Variants in VPS54 observed in about 807,000 individuals in gnomAD.
VPS54 encodes vacuolar protein sorting-associated protein 54.
A neutral mutation model predicts 121.5 loss-of-function variants in VPS54; 45 were observed. The observed-to-expected ratio is 0.37, with a 90% CI of 0.29 to 0.47. VPS54 has a LOEUF of 0.47. Among genes scored for constraint, VPS54 ranks in the 20% least tolerant of loss-of-function variants. The probability of loss-of-function intolerance (pLI) is 0.99; values close to 1 mark genes in which losing one functional copy is unlikely to be tolerated. For missense variants in VPS54, 1,090 were observed against 1,131.4 expected (o/e 0.96, Z 0.52); for synonymous variants, 371 against 385.8 (o/e 0.96, Z 0.45).
intron 6 of VPS54, 108 bp downstream of exon 6, chr2:63,965,727 A>C: frequency 1.4e-5 from 20 of 1,477,454 alleles, no homozygotes; most frequent in Non-Finnish European, 1.7e-5. Context: ...GTAAGAACAA[A>C]AATGAATTTA....
intron 3 of VPS54, among the ~76,000 whole-genome samples, chr2:63,977,164 G>C (rs1287635868): frequency 6.6e-5 from 10 of 152,044 alleles, no homozygotes; most frequent in Non-Finnish European, 1.3e-4. Context: ...ATGTTTATCA[G>C]TTTTATTGAT....
chr2:63,955,643 G>T (rs1675460694), intron 7 of VPS54, among the ~76,000 whole-genome samples: 1 of 151,776 alleles, frequency 6.6e-6, no homozygotes, highest in South Asian at 2.1e-4. Flanking sequence ...ATTTAATAAA[G>T]AACCTCAATA....
At chr2:63,967,648 G>T (rs1307590335) in intron 5 of VPS54, among the ~76,000 whole-genome samples, 1 of 144,062 alleles carries the variant, frequency 6.9e-6, no homozygotes, top group Non-Finnish European at 1.5e-5. Flanking sequence ...GAACCTGGGA[G>T]GCGGAGGTTG....
chr2:63,920,235 T>G (rs1047865415), intron 14 of VPS54, among the ~76,000 whole-genome samples: 11 of 152,138 alleles, frequency 7.2e-5, no homozygotes, highest in African/African-American at 2.7e-4. Flanking sequence ...TTACTGAGGA[T>G]CTTCCTGATA....
At chr2:63,967,152 C>T (rs928276392) in intron 5 of VPS54, among the ~76,000 whole-genome samples, 2 of 151,920 alleles carry the variant, frequency 1.3e-5, no homozygotes, top group African/African-American at 4.8e-5. Context: ...ATGGTTTAAT[C>T]AATTTATGTA....
chr2:63,911,587 G>T (rs897267406), intron 20 of VPS54, among the ~76,000 whole-genome samples: 2 of 152,132 alleles, frequency 1.3e-5, no homozygotes, highest in African/African-American at 4.8e-5. Context: ...TATGTGTTTG[G>T]GTAGTCTTGT....
intron 1 of VPS54, among the ~76,000 whole-genome samples, chr2:63,987,133 A>G (rs140673175): frequency 3.9e-5 from 6 of 152,302 alleles, no homozygotes; most frequent in Admixed American, 1.3e-4. Context: ...TTATTCAAGA[A>G]ATCCTTGCTC....
At chr2:63,991,513 G>A (rs1277955790) in intron 1 of VPS54, among the ~76,000 whole-genome samples, 1 of 152,146 alleles carries the variant, frequency 6.6e-6, no homozygotes, top group Non-Finnish European at 1.5e-5. Flanking sequence ...TCTTTTCTTG[G>A]AGCCTGCTAT....
At chr2:64,013,709 A>G (rs920593743) in intron 1 of VPS54, among the ~76,000 whole-genome samples, 4 of 147,202 alleles carry the variant, frequency 2.7e-5, no homozygotes, top group African/African-American at 9.9e-5. Flanking sequence ...AGAGATATAT[A>G]TATCATATAG....
intron 1 of VPS54, among the ~76,000 whole-genome samples, chr2:63,994,611 T>A (rs970039540): frequency 2.7e-4 from 41 of 152,348 alleles, no homozygotes; most frequent in African/African-American, 9.9e-4. Context: ...AACTCAAGTC[T>A]GGGCTGCTTA....
chr2:64,010,194 T>A (rs1160079960), intron 1 of VPS54, among the ~76,000 whole-genome samples: 1 of 152,232 alleles, frequency 6.6e-6, no homozygotes, highest in East Asian at 1.9e-4. Flanking sequence ...ATTTATAATT[T>A]GAGAAAACAT....
chr2:63,909,026 C>G (rs945949414), intron 20 of VPS54, among the ~76,000 whole-genome samples: 2 of 152,168 alleles, frequency 1.3e-5, no homozygotes, highest in African/African-American at 4.8e-5. Context: ...TTGCCCTCAT[C>G]TTATCTATCC....
intron 1 of VPS54, among the ~76,000 whole-genome samples, chr2:63,999,498 C>T (rs1276760832): frequency 6.6e-6 from 1 of 150,584 alleles, no homozygotes; most frequent in Non-Finnish European, 1.5e-5. Flanking sequence ...TTTCTTTTCT[C>T]TTGCTCCTTT....
intron 20 of VPS54, among the ~76,000 whole-genome samples, chr2:63,904,622 C>G (rs1487864218): frequency 6.6e-6 from 1 of 152,052 alleles, no homozygotes; most frequent in African/African-American, 2.4e-5. Context: ...GTGCTCATCT[C>G]TCAGTAATTG....
chr2:64,003,824 A>G (rs1236898069), intron 1 of VPS54, among the ~76,000 whole-genome samples: 1 of 152,220 alleles, frequency 6.6e-6, no homozygotes, highest in African/African-American at 2.4e-5. Flanking sequence ...AAGGCACTAG[A>G]AGCATTGCCT....
intron 11 of VPS54, among the ~76,000 whole-genome samples, chr2:63,939,539 T>C (rs954055849): frequency 6.6e-6 from 1 of 152,122 alleles, no homozygotes; most frequent in Non-Finnish European, 1.5e-5. Context: ...TAAATTCTAT[T>C]AAAAAACAAA....
Position 63,938,059 on chromosome 2 carries a change from G to GGTGTGTGTGGTGTGTGTGT in VPS54, c.1399-4047_1399-4046insACACACACACCACACACAC, listed in dbSNP as rs1553475196. On this transcript the variant is annotated intron_variant, in intron 11 of 22. Coordinates refer to ENST00000272322, the MANE Select transcript of VPS54 (RefSeq NM_016516.3). ...AAACGTGTGTGTGTGTGGTGTGTGT[G>GGTGTGTGTGGTGTGTGTGT]GTGTGTGTGTGTGTGTGTGTGTGTG... 9.2e-4 allele frequency among the ~76,000 whole-genome samples: 129 copies of GGTGTGTGTGGTGTGTGTGT among 140,476 alleles called. 1 individual carries two copies. Among genetic ancestry groups the GGTGTGTGTGGTGTGTGTGT allele is most frequent in the African/African-American group, 2.2e-3 (81 of 36,134 alleles). 92.2% of individuals were successfully genotyped at this position (140,476 alleles called of 152,430 possible).
intron 15 of VPS54, among the ~76,000 whole-genome samples, chr2:63,918,246 T>C (rs1673476452): frequency 6.6e-6 from 1 of 152,010 alleles, no homozygotes; most frequent in East Asian, 1.9e-4. Context: ...AATAAGTAGT[T>C]CATGTTTCAA....
At position 63,983,895 on chromosome 2, in the gene VPS54, T is replaced by C. The variant is rs1676918831; in HGVS notation, c.105A>G (p.Ser35=). ...DPSKHIRPVP[S]LPDVCPKEPT... ...GTTCCTTGGGACACACATCTGGCAG[T>C]GATGGCACAGGTCGAATGTGTTTTG... is the stretch of plus-strand genomic sequence containing the variant. Residue 35 remains serine (S), a synonymous_variant, in exon 2 of 23, where the codon TCA becomes TCG. Coordinates refer to ENST00000272322, the MANE Select transcript of VPS54 (RefSeq NM_016516.3). 8.7e-6 allele frequency: 14 copies of C among 1,612,156 alleles called. No homozygotes were observed. The highest frequency in any genetic ancestry group is 1.2e-5 in the Non-Finnish European group (14 of 1,179,290).
Sources: allele counts gnomAD v4.1 joint callset (sites outside exome capture counted in the v4.1 genomes callset), GRCh38; gene constraint gnomAD v4.1.1; transcripts MANE v1.5; gene names NCBI Gene and HGNC (gene_info 2026-07-23, HGNC 2026-07-21).